Variants in ARHGAP15 observed in about 807,000 individuals in gnomAD.
ARHGAP15 encodes the protein Rho GTPase activating protein 15, also known as rho GTPase-activating protein 15.
In ARHGAP15, 51 loss-of-function variants were observed where a neutral mutation model predicts 63.7. The observed-to-expected ratio is 0.80, with a 90% CI of 0.64 to 1.01. ARHGAP15 has a LOEUF of 1.01. Ranked by LOEUF, ARHGAP15 falls within the 50% of genes least tolerant of loss-of-function variation. The pLI, the probability that ARHGAP15 is intolerant of heterozygous loss-of-function variation, is 0.00. For synonymous variants in ARHGAP15, 191 were observed against 193.8 expected, an observed-to-expected ratio of 0.99 and a Z score of 0.12; for missense variants, 560 against 564.6, an observed-to-expected ratio of 0.99 and a Z score of 0.08.
Position 143,531,275 on chromosome 2 carries a change from T to A in ARHGAP15, c.925+11911T>A, listed in dbSNP as rs116962949. ...CTTTATATACATTAGTATTTATAGT[T>A]TTAAATACAATAAAAGGTAAGCTAG... On this transcript the variant is annotated intron_variant, in intron 10 of 13. Coordinates refer to ENST00000295095, the MANE Select transcript of ARHGAP15 (RefSeq NM_018460.4). 1.8e-4 allele frequency among the ~76,000 whole-genome samples: 28 copies of A among 152,340 alleles called. No individual in the cohort carries two copies. The East Asian group carries it at 5.2e-3, about 28-fold the overall frequency.
chr2:143,711,690 C>T (rs1466586972), intron 13 of ARHGAP15, among the ~76,000 whole-genome samples: 2 of 152,068 alleles, frequency 1.3e-5, no homozygotes, highest in African/African-American at 4.8e-5. Context: ...GCACTTTCAG[C>T]GGTTGAGGAG....
chr2:143,604,275 G>T (rs1019255013), intron 11 of ARHGAP15, among the ~76,000 whole-genome samples: 1 of 152,064 alleles, frequency 6.6e-6, no homozygotes, highest in Non-Finnish European at 1.5e-5. Context: ...TTAATTTTTT[G>T]GTGTCCTCCA....
chr2:143,661,981 C>T (rs1283548886), intron 12 of ARHGAP15, among the ~76,000 whole-genome samples: 7 of 152,174 alleles, frequency 4.6e-5, no homozygotes, highest in Non-Finnish European at 7.3e-5. Flanking sequence ...AAGGCGGCAG[C>T]GAGGCTGGGG....
intron 6 of ARHGAP15, among the ~76,000 whole-genome samples, chr2:143,273,127 A>G (rs1408822580): frequency 7.9e-5 from 12 of 152,132 alleles, no homozygotes; most frequent in Admixed American, 7.9e-4. Flanking sequence ...CTCTATATAC[A>G]TCATTATTCT....
At chr2:143,577,685 AT>A (rs1457219357) in intron 11 of ARHGAP15, among the ~76,000 whole-genome samples, 1 of 152,098 alleles carries the variant, frequency 6.6e-6, no homozygotes, top group Admixed American at 6.6e-5. Flanking sequence ...CCTGACTATT[AT>A]TAACCAAAAT....
chr2:143,243,408 G>A (rs1181514828), intron 5 of ARHGAP15, among the ~76,000 whole-genome samples: 1 of 152,052 alleles, frequency 6.6e-6, no homozygotes, highest in East Asian at 1.9e-4. Context: ...TTGTCCAAAA[G>A]CAGTAACTCT....
chr2:143,499,165 G>A (rs962691087), intron 9 of ARHGAP15, among the ~76,000 whole-genome samples: 2 of 152,098 alleles, frequency 1.3e-5, no homozygotes, highest in South Asian at 4.1e-4. Context: ...TGAATATATT[G>A]CTCTTCTTAA....
chr2:143,509,005 C>T (rs938770180), intron 9 of ARHGAP15, among the ~76,000 whole-genome samples: 35 of 152,136 alleles, frequency 2.3e-4, no homozygotes, highest in African/African-American at 8.4e-4. Flanking sequence ...CTGTCAGTCC[C>T]ATCCCTGAAA....
intron 6 of ARHGAP15, among the ~76,000 whole-genome samples, chr2:143,325,605 CA>C (rs927011591): frequency 6.6e-6 from 1 of 151,758 alleles, no homozygotes; most frequent in South Asian, 2.1e-4. Context: ...TCTCCTTTTC[CA>C]AAAAAATACA....
chr2:143,250,869 A>G (rs1680126542), intron 6 of ARHGAP15, among the ~76,000 whole-genome samples: 2 of 152,044 alleles, frequency 1.3e-5, no homozygotes, highest in African/African-American at 4.8e-5. Flanking sequence ...TATATGCGAT[A>G]GATGTCTGGA....
intron 6 of ARHGAP15, among the ~76,000 whole-genome samples, chr2:143,334,909 G>T (rs1684703912): frequency 6.6e-6 from 1 of 152,168 alleles, no homozygotes; most frequent in Admixed American, 6.6e-5. Context: ...AATTGCTTCA[G>T]ATCTCGACTT....
chr2:143,663,696 G>A (rs1210791123), intron 12 of ARHGAP15, among the ~76,000 whole-genome samples: 3 of 151,884 alleles, frequency 2.0e-5, no homozygotes, highest in Non-Finnish European at 4.4e-5. Context: ...ACACATATAG[G>A]CTCAAAATAA....
chr2:143,264,261 A>T (rs9677495), intron 6 of ARHGAP15, among the ~76,000 whole-genome samples: 33,556 of 151,858 alleles, frequency 0.22, 3,976 homozygotes, highest in South Asian at 0.35. Flanking sequence ...GTCTGATGTC[A>T]TATAATTAGA....
intron 2 of ARHGAP15, among the ~76,000 whole-genome samples, chr2:143,186,847 C>G (rs1691468353): frequency 6.6e-6 from 1 of 152,170 alleles, no homozygotes; most frequent in African/African-American, 2.4e-5. Context: ...CAGAATTGGA[C>G]TCCCTCTTTA....
chr2:143,662,351 G>GT (rs1681862863), intron 12 of ARHGAP15, among the ~76,000 whole-genome samples: 4 of 147,436 alleles, frequency 2.7e-5, no homozygotes, highest in South Asian at 2.3e-4. Context: ...CTGCAGCTGA[G>GT]GGTCCTGTCT....
intron 6 of ARHGAP15, 32 bp from the exon 7 acceptor site, chr2:143,435,565 CCTGT>C (rs768858093): frequency 2.4e-5 from 36 of 1,513,864 alleles, no homozygotes; most frequent in Middle Eastern, 1.9e-4. Context: ...AGTTTCTTTA[CCTGT>C]CTATTTCTTT....
At chr2:143,606,070 A>AAAAC (rs747880404) in intron 11 of ARHGAP15, among the ~76,000 whole-genome samples, 1 of 42,184 alleles carries the variant, frequency 2.4e-5, no homozygotes, top group African/African-American at 5.8e-5. Context: ...AAAAAAAAAA[A>AAAAC]GCCATACATC....
Position 143,427,485 on chromosome 2 carries a change from G to T in ARHGAP15, c.475-8116G>T, listed in dbSNP as rs148212706. Among the ~76,000 whole-genome samples, 712 of 151,614 alleles carry T rather than the reference G, an allele frequency of 4.7e-3. 7 individuals are homozygous for T. Among genetic ancestry groups the T allele is most frequent in the African/African-American group, 0.016 (641 of 41,346 alleles). ...CTAAGTATTAGCTCTTTAAAATTTTGAACTTATGTTCCAGTTCCCATACTG... is the reference window on the plus strand; with the variant it reads ...CTAAGTATTAGCTCTTTAAAATTTTTAACTTATGTTCCAGTTCCCATACTG... On this transcript the variant is annotated intron_variant, in intron 6 of 13. Transcript: ENST00000295095.
intron 11 of ARHGAP15, among the ~76,000 whole-genome samples, chr2:143,577,409 A>G (rs1696718299): frequency 6.6e-6 from 1 of 152,012 alleles, no homozygotes; most frequent in African/African-American, 2.4e-5. Flanking sequence ...ATCAGTTAGG[A>G]CTCTTCTGAT....
Sources: allele counts gnomAD v4.1 joint callset (sites outside exome capture counted in the v4.1 genomes callset), GRCh38; gene constraint gnomAD v4.1.1; transcripts MANE v1.5; gene names NCBI Gene and HGNC (gene_info 2026-07-23, HGNC 2026-07-21).